Variants in COL25A1 observed in about 807,000 individuals in gnomAD.
COL25A1 encodes the protein collagen alpha-1(XXV) chain.
Under a neutral mutation model 128.4 loss-of-function variants are expected in COL25A1, and 103 were observed. That is an observed-to-expected ratio of 0.80 (90% CI 0.68 to 0.94). The LOEUF is 0.94. Among genes scored for constraint, COL25A1 ranks in the 40% least tolerant of loss-of-function variants. The probability of loss-of-function intolerance (pLI) is 0.00; values close to 1 mark genes in which losing one functional copy is unlikely to be tolerated. For synonymous variants in COL25A1, 279 were observed against 277.2 expected (o/e 1.01, Z -0.06); for missense variants, 745 against 840.0 (o/e 0.89, Z 1.40).
chr4:109,271,576 C>G (rs1022614543), intron 3 of COL25A1, among the ~76,000 whole-genome samples: 1 of 152,120 alleles, frequency 6.6e-6, no homozygotes. Context: ...CTTTGGAGGC[C>G]TAAATTTTCA....
intron 3 of COL25A1, among the ~76,000 whole-genome samples, chr4:109,105,825 C>T (rs116374549): frequency 0.013 from 1,921 of 152,260 alleles, 40 homozygotes; most frequent in African/African-American, 0.043. Context: ...TTTAATGTAC[C>T]AAGCAGCAGC....
At chr4:108,835,859 G>GTTTTTTTTTTTTTT (rs1560721327) in intron 31 of COL25A1, among the ~76,000 whole-genome samples, 2 of 89,520 alleles carry the variant, frequency 2.2e-5, no homozygotes, top group Non-Finnish European at 4.2e-5. Flanking sequence ...GCTTACATAC[G>GTTTTTTTTTTTTTT]TCTTTTTTTT....
chr4:109,026,574 T>C (rs574205891), intron 5 of COL25A1, among the ~76,000 whole-genome samples: 19 of 152,204 alleles, frequency 1.2e-4, no homozygotes, highest in Non-Finnish European at 2.2e-4. Flanking sequence ...GTGGGATTGA[T>C]AGGGAATGTC....
chr4:108,845,610 AT>A (rs1734992094), intron 28 of COL25A1, among the ~76,000 whole-genome samples: 1 of 152,320 alleles, frequency 6.6e-6, no homozygotes, highest in Admixed American at 6.5e-5. Context: ...TGACATTTAT[AT>A]ACTTCCTTGT....
At chr4:109,216,302 G>C (rs1482461508) in intron 3 of COL25A1, among the ~76,000 whole-genome samples, 1 of 151,032 alleles carries the variant, frequency 6.6e-6, no homozygotes, top group Non-Finnish European at 1.5e-5. Flanking sequence ...AGGAAGGACG[G>C]AAGGAAGGAA....
At chr4:109,030,637 G>A (rs1432755159) in intron 5 of COL25A1, among the ~76,000 whole-genome samples, 2 of 152,210 alleles carry the variant, frequency 1.3e-5, no homozygotes, top group African/African-American at 4.8e-5. Flanking sequence ...GAACTTTGAG[G>A]TAGGTCAAAG....
At chr4:108,923,772 C>T (rs1290000155) in intron 11 of COL25A1, among the ~76,000 whole-genome samples, 1 of 152,106 alleles carries the variant, frequency 6.6e-6, no homozygotes, top group Non-Finnish European at 1.5e-5. Context: ...GTCAATTGTT[C>T]TAGTGATTCA....
At chr4:109,265,235 T>C (rs1299521676) in intron 3 of COL25A1, among the ~76,000 whole-genome samples, 2 of 152,192 alleles carry the variant, frequency 1.3e-5, no homozygotes, top group Non-Finnish European at 2.9e-5. Flanking sequence ...TCCTATTCTA[T>C]TAACCTATCT....
intron 3 of COL25A1, among the ~76,000 whole-genome samples, chr4:109,163,599 G>A (rs1772788781): frequency 1.3e-5 from 2 of 152,194 alleles, no homozygotes; most frequent in African/African-American, 4.8e-5. Context: ...GATTTTGGAA[G>A]CCTAAACAGC....
intron 27 of COL25A1, 70 bp from the exon 28 acceptor site, chr4:108,846,289 C>T: frequency 1.2e-6 from 1 of 855,694 alleles, no homozygotes; most frequent in Non-Finnish European, 1.8e-6. Context: ...CTAGGGAAAA[C>T]AGAATTCCGA....
At chr4:108,879,102 C>T (rs1012291773) in intron 19 of COL25A1, among the ~76,000 whole-genome samples, 1 of 152,178 alleles carries the variant, frequency 6.6e-6, no homozygotes, top group African/African-American at 2.4e-5. Flanking sequence ...GAGCACTGTA[C>T]TTAATCCTAG....
chr4:108,892,508 T>C (rs1418437905), intron 16 of COL25A1, among the ~76,000 whole-genome samples: 1 of 152,226 alleles, frequency 6.6e-6, no homozygotes, highest in African/African-American at 2.4e-5. Flanking sequence ...TATCTATTAA[T>C]AGATGCTGAG....
intron 29 of COL25A1, 44 bp from the exon 30 acceptor site, chr4:108,844,613 G>C (rs1487372351): frequency 6.3e-7 from 1 of 1,588,070 alleles, no homozygotes; most frequent in African/African-American, 1.4e-5. Context: ...ACTTCATTTA[G>C]ATAAGGCAGT....
At chr4:109,125,313 A>C (rs937812259) in intron 3 of COL25A1, among the ~76,000 whole-genome samples, 2 of 152,146 alleles carry the variant, frequency 1.3e-5, no homozygotes, top group African/African-American at 4.8e-5. Flanking sequence ...AGTTCCTTCA[A>C]TATGCAAATT....
intron 3 of COL25A1, among the ~76,000 whole-genome samples, chr4:109,106,535 A>C (rs1032656045): frequency 1.3e-5 from 2 of 152,154 alleles, no homozygotes; most frequent in African/African-American, 4.8e-5. Flanking sequence ...ATGACACTGA[A>C]AGAGGTATTC....
chr4:109,147,838 C>T (rs2704098), intron 3 of COL25A1, among the ~76,000 whole-genome samples: 94,713 of 149,936 alleles, frequency 0.63, 30,372 homozygotes, highest in East Asian at 0.75. Context: ...AAAAAAAGTA[C>T]TGGAGTATTT....
At chr4:109,121,197 T>C (rs1768075963) in intron 3 of COL25A1, among the ~76,000 whole-genome samples, 1 of 152,086 alleles carries the variant, frequency 6.6e-6, no homozygotes, top group Non-Finnish European at 1.5e-5. Flanking sequence ...AACTCCTATG[T>C]GATAACACAG....
chr4:108,895,838 A>C (rs1742055199), intron 16 of COL25A1, among the ~76,000 whole-genome samples: 1 of 150,584 alleles, frequency 6.6e-6, no homozygotes, highest in Non-Finnish European at 1.5e-5. Context: ...AATGTACACT[A>C]TTATACCCAA....
At chr4:108,927,208 C>G (rs3851417) in intron 11 of COL25A1, among the ~76,000 whole-genome samples, 70,438 of 151,980 alleles carry the variant, frequency 0.46, 19,077 homozygotes, top group East Asian at 0.93. Flanking sequence ...TCCAGCACAC[C>G]CAGACAAAGC....
Sources: gnomAD v4.1 joint callset for allele counts (sites outside exome capture counted in the v4.1 genomes callset) on GRCh38, gnomAD v4.1.1 for gene constraint, MANE v1.5 for transcripts, NCBI Gene and HGNC (gene_info 2026-07-23, HGNC 2026-07-21) for gene names.